Variants in SYT17 observed in about 807,000 individuals in gnomAD.
SYT17 encodes the protein synaptotagmin-17.
A neutral mutation model predicts 46.7 loss-of-function variants in SYT17; 22 were observed. That is an observed-to-expected ratio of 0.47 (90% CI 0.34 to 0.67). The LOEUF is 0.67. Among genes scored for constraint, SYT17 ranks in the 30% least tolerant of loss-of-function variants. The pLI is 0.01. For missense variants in SYT17, 519 were observed against 612.8 expected (o/e 0.85, Z 1.62); for synonymous variants, 251 against 248.4 (o/e 1.01, Z -0.10).
intron 4 of SYT17, among the ~76,000 whole-genome samples, chr16:19,182,472 G>A (rs577653401): frequency 4.7e-4 from 71 of 152,142 alleles, no homozygotes; most frequent in Non-Finnish European, 8.7e-4. Flanking sequence ...TTTAAAAGTC[G>A]TGGCTGCCAG....
intron 3 of SYT17, among the ~76,000 whole-genome samples, chr16:19,178,721 G>C (rs1373373580): frequency 6.6e-6 from 1 of 152,146 alleles, no homozygotes; most frequent in Non-Finnish European, 1.5e-5. Context: ...GTCAAGTTGG[G>C]GGGTATGCAG....
At chr16:19,252,211 C>A (rs1968132523) in intron 7 of SYT17, among the ~76,000 whole-genome samples, 1 of 150,186 alleles carries the variant, frequency 6.7e-6, no homozygotes, top group Non-Finnish European at 1.5e-5. Flanking sequence ...TTGAAATGAC[C>A]TCAAGAAACT....
chr16:19,224,628 G>A, intron 6 of SYT17, 55 bp from the exon 7 acceptor site: 1 of 1,587,092 alleles, frequency 6.3e-7, no homozygotes. Context: ...AGAATGACTG[G>A]ACGGATTAGG....
At chr16:19,176,706 G>T (rs1964327088) in intron 3 of SYT17, among the ~76,000 whole-genome samples, 1 of 152,160 alleles carries the variant, frequency 6.6e-6, no homozygotes, top group Non-Finnish European at 1.5e-5. Flanking sequence ...TGTAGAGATA[G>T]GCGTCTCATT....
At chr16:19,178,287 G>A (rs79459552) in intron 3 of SYT17, among the ~76,000 whole-genome samples, 3 of 151,552 alleles carry the variant, frequency 2.0e-5, no homozygotes, top group Admixed American at 6.6e-5. Flanking sequence ...GGGTTTCACC[G>A]TGTTAGCTAG....
chr16:19,173,037 T>A (rs183661716), intron 2 of SYT17: 11 of 581,496 alleles, frequency 1.9e-5, no homozygotes, highest in African/African-American at 1.3e-4. Context: ...CGAGATTTTT[T>A]AAAAATATTT....
At chr16:19,249,200 G>C (rs1335972838) in intron 7 of SYT17, among the ~76,000 whole-genome samples, 1 of 152,114 alleles carries the variant, frequency 6.6e-6, no homozygotes, top group Non-Finnish European at 1.5e-5. Context: ...TGTGAACCCA[G>C]AAGGCGGAGC....
At chr16:19,229,768 T>C (rs1966615764) in intron 7 of SYT17, among the ~76,000 whole-genome samples, 1 of 152,240 alleles carries the variant, frequency 6.6e-6, no homozygotes, top group African/African-American at 2.4e-5. Flanking sequence ...CCTACGTTCA[T>C]AGCAGCTTTC....
chr16:19,196,664 C>G (rs1253584806), intron 5 of SYT17, among the ~76,000 whole-genome samples: 1 of 152,074 alleles, frequency 6.6e-6, no homozygotes, highest in African/African-American at 2.4e-5. Flanking sequence ...ATGTAATCTC[C>G]TTTGTTATCA....
chr16:19,266,313 G>T (rs1265754228), intron 7 of SYT17, among the ~76,000 whole-genome samples: 1 of 152,254 alleles, frequency 6.6e-6, no homozygotes, highest in Non-Finnish European at 1.5e-5. Flanking sequence ...GACATTTGGG[G>T]TTGTCACAGC....
Position 19,168,261 on chromosome 16 carries a change from C to T in SYT17, c.-386C>T. The T allele has an allele frequency of 4.5e-6, 1 of 223,840 alleles. No homozygotes were observed. The highest frequency in any genetic ancestry group is 8.7e-6 in the Non-Finnish European group (1 of 114,404). The allele number at this position is 223,840 out of a possible 1,614,324, so 13.9% of individuals were successfully genotyped here. On this transcript the variant is annotated 5_prime_UTR_variant, in exon 1 of 8. Coordinates refer to ENST00000355377, the MANE Select transcript of SYT17 (RefSeq NM_016524.4). This position sits in a 1 kb window ranked among gnomAD's most constrained non-coding sequence, Gnocchi z 6.9. ...CTGCGCGCTCCGGCCCCGGCGTCTC[C>T]GGCCCCGCCTGCGCTGGGGTCGCTG... is the stretch of plus-strand genomic sequence containing the variant.
chr16:19,203,937 G>A (rs1404393482), intron 5 of SYT17, among the ~76,000 whole-genome samples: 1 of 152,238 alleles, frequency 6.6e-6, no homozygotes, highest in Non-Finnish European at 1.5e-5. Flanking sequence ...AAGATTGACG[G>A]AAGCGGAAGC....
At chr16:19,232,701 C>T (rs1966745462) in intron 7 of SYT17, among the ~76,000 whole-genome samples, 1 of 152,008 alleles carries the variant, frequency 6.6e-6, no homozygotes, top group Non-Finnish European at 1.5e-5. Context: ...CATGGTGGTG[C>T]ATGCCTGTAG....
In SYT17 at chr16:19,180,471, C is replaced by T. The variant is rs367939787; in HGVS notation, c.263C>T (p.Ser88Phe). The change falls in exon 4 of 8, where the codon TCC becomes TTC. Residue 88 changes from serine to phenylalanine, a missense_variant. Ser to Phe is a radical substitution (Grantham distance 155). Transcript: ENST00000355377. Reference sequence around the variant, plus strand: ...GTCCCGCTGACCCCACGGACCAATTCCCCGGATGGAAGACGCTCGTCCTCA... The same window carrying T: ...GTCCCGCTGACCCCACGGACCAATTTCCCGGATGGAAGACGCTCGTCCTCA... ...SEVPLTPRTN[S>F]PDGRRSSSDT... The T allele has an allele frequency of 1.9e-6, 3 of 1,614,096 alleles. No homozygotes were observed. The highest frequency in any genetic ancestry group is 2.7e-5 in the African/African-American group (2 of 74,936).
intron 5 of SYT17, among the ~76,000 whole-genome samples, chr16:19,187,631 G>A (rs1244750328): frequency 4.6e-5 from 7 of 152,172 alleles, no homozygotes; most frequent in Non-Finnish European, 8.8e-5. Flanking sequence ...CTCTGACTGA[G>A]GGAAGAATAT....
chr16:19,233,131 A>G (rs1365423701), intron 7 of SYT17, among the ~76,000 whole-genome samples: 2 of 152,108 alleles, frequency 1.3e-5, no homozygotes, highest in Non-Finnish European at 2.9e-5. Context: ...GTCTGTCTGG[A>G]GGCCTCCCAG....
In SYT17 at chr16:19,168,704, G is replaced by C. The variant is rs1188322837; in HGVS notation, c.15+43G>C. 6.9e-7 allele frequency: 1 copy of C among 1,447,976 alleles called. No individual in the cohort carries two copies. Among genetic ancestry groups the C allele is most frequent in the African/African-American group, 1.5e-5 (1 of 66,992 alleles). 89.7% of individuals were successfully genotyped at this position (1,447,976 alleles called of 1,614,324 possible). A position where few individuals can be genotyped will look rare whatever the true frequency, so the allele number is the denominator to read the frequency against. ...GGCAAGGTCCGGGGTGCGGGTAGGG[G>C]GTGCCGCGCCCCCTCCGGCTGGGAG... On this transcript the variant is annotated intron_variant, in intron 1 of 7. Transcript: ENST00000355377. The surrounding 1 kb of genome is among the most constrained non-coding windows in gnomAD (Gnocchi z 6.9).
intron 7 of SYT17, among the ~76,000 whole-genome samples, chr16:19,233,798 T>C (rs2142920169): frequency 6.6e-6 from 1 of 152,318 alleles, no homozygotes; most frequent in African/African-American, 2.4e-5. Flanking sequence ...GAAATTCTCC[T>C]GGGATGGAGA....
intron 5 of SYT17, among the ~76,000 whole-genome samples, chr16:19,206,109 G>A (rs954829817): frequency 4.6e-5 from 7 of 152,116 alleles, no homozygotes; most frequent in South Asian, 4.1e-4. Flanking sequence ...AATGACAGGC[G>A]TCAAGAAAAT....
Sources: allele counts gnomAD v4.1 joint callset (sites outside exome capture counted in the v4.1 genomes callset), GRCh38; gene constraint gnomAD v4.1.1; non-coding constraint Gnocchi (gnomAD v3.1); transcripts MANE v1.5; gene names NCBI Gene and HGNC (gene_info 2026-07-23, HGNC 2026-07-21).